The following POU2F1 variants were observed in gnomAD, a reference collection of about 807,000 sequenced individuals.
POU2F1 encodes POU class 2 homeobox 1.
A neutral mutation model predicts 84.9 loss-of-function variants in POU2F1; 16 were observed. That is an observed-to-expected ratio of 0.19 (90% CI 0.13 to 0.29). The LOEUF (loss-of-function observed/expected upper bound fraction) is 0.29. Ranked by LOEUF, POU2F1 falls within the 10% of genes least tolerant of loss-of-function variation. The pLI is 1.00. For synonymous variants in POU2F1, 368 were observed against 368.3 expected (o/e 1.00, Z 0.01); for missense variants, 738 against 942.6 (o/e 0.78, Z 2.84).
intron 1 of POU2F1, among the ~76,000 whole-genome samples, chr1:167,222,956 C>T (rs1031861296): frequency 1.3e-5 from 2 of 152,056 alleles, no homozygotes; most frequent in Admixed American, 1.3e-4. Context: ...GTAAAACTGA[C>T]ACTTTTTTTT....
At position 167,426,447 on chromosome 1, in the gene POU2F1, C is replaced by T. The variant is rs922109185; in HGVS notation, c.*10637C>T. 2 of 152,152 alleles carry T rather than the reference C, an allele frequency of 1.3e-5. No homozygotes were observed. Among genetic ancestry groups the T allele is most frequent in the Non-Finnish European group, 2.9e-5 (2 of 68,038 alleles). 9.4% of individuals were successfully genotyped at this position (152,152 alleles called of 1,614,324 possible). ...GAAAATGAAAAAAGTTCTGAGTGTA[C>T]ATAATATTCAATAATAATCTCCCAC... On this transcript the variant is annotated 3_prime_UTR_variant, in exon 16 of 16. Coordinates refer to ENST00000367866, the MANE Select transcript of POU2F1 (RefSeq NM_002697.4).
At chr1:167,230,905 A>G (rs1255418263) in intron 1 of POU2F1, among the ~76,000 whole-genome samples, 1 of 152,236 alleles carries the variant, frequency 6.6e-6, no homozygotes, top group Non-Finnish European at 1.5e-5. Flanking sequence ...CTTTTTCAAC[A>G]TAAGAAGGCC....
At chr1:167,390,518 C>G (rs1648324023) in intron 9 of POU2F1, among the ~76,000 whole-genome samples, 1 of 152,190 alleles carries the variant, frequency 6.6e-6, no homozygotes, top group African/African-American at 2.4e-5. Flanking sequence ...GGGGCAGTAG[C>G]TCTAATCTGT....
Position 167,415,979 on chromosome 1 carries a change from AC to A in POU2F1, c.*171del. 1 of 738,252 alleles carries A rather than the reference AC, an allele frequency of 1.4e-6. No individual in the cohort carries two copies. The highest frequency in any genetic ancestry group is 2.3e-6 in the Non-Finnish European group (1 of 441,896). The allele number at this position is 738,252 out of a possible 1,614,324, so 45.7% of individuals were successfully genotyped here. On this transcript the variant is annotated 3_prime_UTR_variant, in exon 16 of 16. Coordinates refer to ENST00000367866, the MANE Select transcript of POU2F1 (RefSeq NM_002697.4). ...AAACCACACACACCCATACACACAT[AC>A]CAGAAAAAGAAAGAAAGGATGGAGA...
intron 3 of POU2F1, among the ~76,000 whole-genome samples, chr1:167,366,331 A>G (rs2101832185): frequency 6.6e-6 from 1 of 152,316 alleles, no homozygotes; most frequent in South Asian, 2.1e-4. Flanking sequence ...GTTGATAGTA[A>G]TGGTGCTAGT....
intron 1 of POU2F1, among the ~76,000 whole-genome samples, chr1:167,331,711 T>C (rs1163176782): frequency 1.3e-5 from 2 of 152,116 alleles, no homozygotes; most frequent in African/African-American, 4.8e-5. Context: ...AACATTTTAC[T>C]GTGGAAATAA....
chr1:167,392,684 T>C (rs554965176), intron 9 of POU2F1, among the ~76,000 whole-genome samples: 46 of 152,228 alleles, frequency 3.0e-4, no homozygotes, highest in Non-Finnish European at 6.2e-4. Context: ...TTTTGTTTTG[T>C]GGTTTTATCC....
intron 1 of POU2F1, among the ~76,000 whole-genome samples, chr1:167,251,223 C>T (rs903048906): frequency 6.7e-6 from 1 of 148,924 alleles, no homozygotes; most frequent in Non-Finnish European, 1.5e-5. Flanking sequence ...ACATGTGAAA[C>T]CCCCATCTCT....
chr1:167,320,404 G>C (rs1420642494), intron 1 of POU2F1, among the ~76,000 whole-genome samples: 2 of 152,158 alleles, frequency 1.3e-5, no homozygotes, highest in African/African-American at 2.4e-5. Flanking sequence ...GTTTTAGGGA[G>C]AATCTAATTA....
intron 2 of POU2F1, among the ~76,000 whole-genome samples, chr1:167,346,662 T>G (rs1278291922): frequency 1.3e-5 from 2 of 152,200 alleles, no homozygotes; most frequent in Admixed American, 6.5e-5. Context: ...CTAGTGCCAC[T>G]GCTGCTCTGA....
intron 1 of POU2F1, chr1:167,329,408 G>C: frequency 1.5e-6 from 2 of 1,351,788 alleles, no homozygotes; most frequent in Non-Finnish European, 2.0e-6. Context: ...AGCCTGTGGC[G>C]GGGGAGGGGG....
At chr1:167,303,115 G>T (rs1215665331) in intron 1 of POU2F1, among the ~76,000 whole-genome samples, 1 of 151,892 alleles carries the variant, frequency 6.6e-6, no homozygotes, top group African/African-American at 2.4e-5. Context: ...ATATTAGGGG[G>T]AGGTTAATGT....
chr1:167,332,296 G>A, intron 1 of POU2F1, among the ~76,000 whole-genome samples, 174 bp from the exon 2 acceptor site: 1 of 152,074 alleles, frequency 6.6e-6, no homozygotes. Context: ...ATTTCTTCCA[G>A]ATAACCTTTT....
Position 167,411,998 on chromosome 1 carries a change from T to C in POU2F1, c.1595T>C (p.Ile532Thr), listed in dbSNP as rs755799419. The change falls in exon 14 of 16, where the codon ATT becomes ACT. Residue 532 changes from isoleucine to threonine, a missense_variant. Transcript: ENST00000367866. ...DTTSNNTATV[I>T]STAPPASSAV... ...ACCTCCAACAACACAGCAACCGTGA[T>C]TTCCACAGCGCCTCCAGCTTCCTCA... The C allele has an allele frequency of 6.8e-6, 11 of 1,613,904 alleles. No individual in the cohort carries two copies. Among genetic ancestry groups the C allele is most frequent in the Admixed American group, 5.0e-5 (3 of 60,006 alleles).
At chr1:167,250,396 T>A (rs1461567299) in intron 1 of POU2F1, among the ~76,000 whole-genome samples, 1 of 152,332 alleles carries the variant, frequency 6.6e-6, no homozygotes, top group East Asian at 1.9e-4. Context: ...TATATAGTTA[T>A]AATGTTACAA....
At chr1:167,357,379 A>ACCC (rs367718262) in intron 2 of POU2F1, 1 of 30,266 alleles carries the variant, frequency 3.3e-5, no homozygotes, top group Non-Finnish European at 5.5e-5. Flanking sequence ...CCCCCCCCCC[A>ACCC]CCCCCCCCCG....
intron 1 of POU2F1, chr1:167,319,141 T>C (rs888544836): frequency 6.5e-6 from 1 of 153,336 alleles, no homozygotes; most frequent in Admixed American, 6.5e-5. Flanking sequence ...AACCAGGGGG[T>C]TTTTGGGATC....
chr1:167,311,197 CT>C (rs1237154950), intron 1 of POU2F1, among the ~76,000 whole-genome samples: 1 of 151,986 alleles, frequency 6.6e-6, no homozygotes, highest in Non-Finnish European at 1.5e-5. Flanking sequence ...TATAATAAAA[CT>C]TTATATAAAC....
intron 1 of POU2F1, among the ~76,000 whole-genome samples, chr1:167,249,401 A>T (rs1225669084): frequency 6.6e-6 from 1 of 152,200 alleles, no homozygotes; most frequent in Non-Finnish European, 1.5e-5. Context: ...CTTGCTAGGC[A>T]GTGTAGGGTT....
Sources: gnomAD v4.1 joint callset for allele counts (sites outside exome capture counted in the v4.1 genomes callset) on GRCh38, gnomAD v4.1.1 for gene constraint, MANE v1.5 for transcripts, NCBI Gene and HGNC (gene_info 2026-07-23, HGNC 2026-07-21) for gene names.